Variants in RASA2 observed in about 807,000 individuals in gnomAD.
RASA2 encodes RAS p21 protein activator 2, also known as ras GTPase-activating protein 2.
A neutral mutation model predicts 118.2 loss-of-function variants in RASA2; 155 were observed. That is an observed-to-expected ratio of 1.31 (90% CI 1.15 to 1.50). RASA2 has a LOEUF of 1.50. Among genes scored for constraint, RASA2 ranks in the 40% most tolerant of loss-of-function variants. The pLI is 0.00. For synonymous variants in RASA2, 353 were observed against 349.1 expected (o/e 1.01, Z -0.12); for missense variants, 1,016 against 1,009.6 (o/e 1.01, Z -0.09).
chr3:141,526,084 C>A (rs1051196393), intron 3 of RASA2: 1 of 152,106 alleles, frequency 6.6e-6, no homozygotes, highest in Admixed American at 6.6e-5. Context: ...GGCTGCAGCA[C>A]CTGTTAGCGG....
chr3:141,614,109 T>G lies in RASA2; in HGVS notation c.*1796T>G, dbSNP rs546699926. On this transcript the variant is annotated 3_prime_UTR_variant, in exon 24 of 24. Transcript: ENST00000286364. ...CATTGCCAGATACCAGTCATTATTC[T>G]TTAGTGGCTTTTTAGTCCTCTGCTT... 1 of 152,330 alleles carries G rather than the reference T, an allele frequency of 6.6e-6. No homozygotes were observed. The highest frequency in any genetic ancestry group is 2.4e-5 in the African/African-American group (1 of 41,586). 9.4% of individuals were successfully genotyped at this position (152,330 alleles called of 1,614,324 possible).
Position 141,583,612 on chromosome 3 carries a change from C to CATAT in RASA2, c.1753-2411_1753-2408dup, listed in dbSNP as rs530308713. On this transcript the variant is annotated intron_variant, in intron 17 of 23. Transcript: ENST00000286364. The stretch of plus-strand genomic sequence containing the variant: ...TGGATACTTGTACCCACATTACCCA[C>CATAT]ATATAATGCAAAAGGAACTCTGTTC... Among the ~76,000 whole-genome samples the CATAT allele has an allele frequency of 1.7e-3, 265 of 152,248 alleles. 5 individuals carry two copies. Among genetic ancestry groups the CATAT allele is most frequent in the Admixed American group, 0.015 (231 of 15,294 alleles).
chr3:141,502,561 CAT>C (rs1167021785), intron 1 of RASA2, among the ~76,000 whole-genome samples: 1 of 152,114 alleles, frequency 6.6e-6, no homozygotes, highest in African/African-American at 2.4e-5. Flanking sequence ...AGAACTTGTT[CAT>C]GTTATGCCTT....
chr3:141,573,890 A>G (rs529691314), intron 13 of RASA2, 54 bp from the exon 14 acceptor site: 38 of 1,444,540 alleles, frequency 2.6e-5, no homozygotes, highest in East Asian at 2.5e-4. Flanking sequence ...CATGAAGGCT[A>G]TTGAAGATGT....
At chr3:141,542,254 A>G (rs930393895) in intron 5 of RASA2, among the ~76,000 whole-genome samples, 9 of 152,152 alleles carry the variant, frequency 5.9e-5, no homozygotes, top group African/African-American at 1.9e-4. Flanking sequence ...TGCCTTTTCC[A>G]AAGTGTTATT....
At chr3:141,559,777 C>G (rs1222832225) in intron 8 of RASA2, 117 bp from the exon 9 acceptor site, 21 of 805,288 alleles carry the variant, frequency 2.6e-5, no homozygotes, top group Middle Eastern at 2.4e-4. Context: ...TTGCTAACAT[C>G]TTTTAAGCAT....
intron 1 of RASA2, among the ~76,000 whole-genome samples, chr3:141,493,412 C>T (rs2081661993): frequency 6.6e-6 from 1 of 152,162 alleles, no homozygotes; most frequent in Non-Finnish European, 1.5e-5. Context: ...TTCTGACTGT[C>T]TGTCACCATC....
chr3:141,568,473 T>C (rs2082860418), intron 9 of RASA2, among the ~76,000 whole-genome samples: 1 of 151,946 alleles, frequency 6.6e-6, no homozygotes, highest in South Asian at 2.1e-4. Flanking sequence ...TGGTAGTGTT[T>C]TGAAGATAGG....
intron 5 of RASA2, among the ~76,000 whole-genome samples, chr3:141,551,843 T>A (rs1290503558): frequency 6.6e-6 from 1 of 152,196 alleles, no homozygotes; most frequent in Non-Finnish European, 1.5e-5. Context: ...AGATACTATA[T>A]TGTAAATGCT....
intron 3 of RASA2, among the ~76,000 whole-genome samples, chr3:141,524,804 T>C (rs1035585814): frequency 6.6e-6 from 1 of 152,116 alleles, no homozygotes; most frequent in Non-Finnish European, 1.5e-5. Flanking sequence ...TTGCCCAGGC[T>C]AGTCTCAAAC....
At chr3:141,587,574 C>T (rs190304184) in intron 19 of RASA2, among the ~76,000 whole-genome samples, 6 of 152,118 alleles carry the variant, frequency 3.9e-5, no homozygotes, top group East Asian at 1.9e-4. Flanking sequence ...ATTAGCTGGG[C>T]ATGGTGGCGC....
intron 1 of RASA2, among the ~76,000 whole-genome samples, chr3:141,495,417 A>G (rs1490502085): frequency 6.6e-6 from 1 of 152,222 alleles, no homozygotes; most frequent in East Asian, 1.9e-4. Flanking sequence ...TAAAAACAAG[A>G]GGCCATTAGA....
chr3:141,607,661 CT>C lies in RASA2; in HGVS notation c.1934-10del. On this transcript the variant is annotated splice_polypyrimidine_tract_variant and intron_variant, in intron 19 of 23. Coordinates refer to ENST00000286364, the MANE Select transcript of RASA2 (RefSeq NM_006506.5). ...TGGAAATTACTTTAATTTTGTTTTA[CT>C]TTTTTTATTATTTAGGCAAAGATGC... is the stretch of plus-strand genomic sequence containing the variant. The C allele has an allele frequency of 3.2e-6, 5 of 1,556,832 alleles. No homozygotes were observed. The highest frequency in any genetic ancestry group is 3.5e-6 in the Non-Finnish European group (4 of 1,158,142).
intron 5 of RASA2, among the ~76,000 whole-genome samples, chr3:141,545,038 G>A (rs897401773): frequency 6.6e-6 from 1 of 152,148 alleles, no homozygotes; most frequent in African/African-American, 2.4e-5. Context: ...TAACTAATGG[G>A]TGCTAGCCTT....
chr3:141,509,710 G>A (rs1464073567), intron 1 of RASA2, among the ~76,000 whole-genome samples: 1 of 152,204 alleles, frequency 6.6e-6, no homozygotes, highest in African/African-American at 2.4e-5. Flanking sequence ...TGTCCTGGAG[G>A]GACAAGAGGG....
At chr3:141,535,885 A>T (rs1377673368) in intron 4 of RASA2, among the ~76,000 whole-genome samples, 1 of 152,152 alleles carries the variant, frequency 6.6e-6, no homozygotes. Flanking sequence ...ACATTTCATC[A>T]TGAGATTTGG....
rs369694053 is a variant in RASA2 at position 141,559,960 on chromosome 3, G to A, written c.828G>A (p.Val276=). Residue 276 remains valine (V), a synonymous_variant, in exon 9 of 24, where the codon GTG becomes GTA. Coordinates refer to ENST00000286364, the MANE Select transcript of RASA2 (RefSeq NM_006506.5). ...TCCTAGGTGAGATTAAGGTTCCTGT[G>A]AACGTATTAAGAACTGATTCCTCTC... is the stretch of plus-strand genomic sequence containing the variant. ...DVFLGEIKVP[V]NVLRTDSSHQ... is the part of the protein sequence containing the mutation. 1.9e-6 allele frequency: 3 copies of A among 1,613,104 alleles called. No individual in the cohort carries two copies. In the African/African-American group the frequency reaches 4.0e-5, roughly 22 times the overall value.
At chr3:141,580,972 A>C in intron 16 of RASA2, 128 bp from the exon 17 acceptor site, 1 of 1,004,616 alleles carries the variant, frequency 1.0e-6, no homozygotes. Flanking sequence ...TTCCACTCCA[A>C]GCCCTGAACT....
At chr3:141,510,567 G>C (rs73869650) in intron 1 of RASA2, among the ~76,000 whole-genome samples, 2,001 of 152,270 alleles carry the variant, frequency 0.013, 33 homozygotes, top group African/African-American at 0.046. Flanking sequence ...TGCTATCAAA[G>C]AAACAAAATG....
Sources: gnomAD v4.1 joint callset for allele counts (sites outside exome capture counted in the v4.1 genomes callset) on GRCh38, gnomAD v4.1.1 for gene constraint, MANE v1.5 for transcripts, NCBI Gene and HGNC (gene_info 2026-07-23, HGNC 2026-07-21) for gene names.